The following AKT3 variants were observed in gnomAD, a reference collection of about 807,000 sequenced individuals.
AKT3 encodes the protein RAC-gamma serine/threonine-protein kinase.
A neutral mutation model predicts 65.3 loss-of-function variants in AKT3; 15 were observed. The observed-to-expected ratio is 0.23, with a 90% confidence interval of 0.15 to 0.35. The LOEUF (loss-of-function observed/expected upper bound fraction) is 0.35. Ranked by LOEUF, AKT3 falls within the 10% of genes least tolerant of loss-of-function variation. AKT3 has a pLI of 1.00. For synonymous variants in AKT3, 206 were observed against 183.8 expected, an observed-to-expected ratio of 1.12 and a Z score of -0.98; for missense variants, 243 against 576.5, an observed-to-expected ratio of 0.42 and a Z score of 5.92.
Position 243,504,759 on chromosome 1 carries a change from A to G in AKT3, c.*490T>C, listed in dbSNP as rs1669558466. 1 of 194,340 alleles carries G rather than the reference A, an allele frequency of 5.1e-6. No homozygotes were observed. Among genetic ancestry groups the G allele is most frequent in the East Asian group, 8.3e-5 (1 of 12,102 alleles). The allele number at this position is 194,340 out of a possible 1,614,324, so 12.0% of individuals were successfully genotyped here. A position where few individuals can be genotyped will look rare whatever the true frequency, so the allele number is the denominator to read the frequency against. On this transcript the variant is annotated 3_prime_UTR_variant, in exon 14 of 14. Transcript: ENST00000673466. ...CGCACGGATCTGATGTGCTTTACAT[A>G]TGCACGCCACCACCCTTCCACAATT...
Position 243,760,282 on chromosome 1 carries a change from CTTTTTTT to C in AKT3, c.47-64573_47-64567del, listed in dbSNP as rs58733457. Among the ~76,000 whole-genome samples the C allele has an allele frequency of 4.2e-3, 341 of 80,910 alleles. 2 individuals are homozygous for C. Among genetic ancestry groups the C allele is most frequent in the Non-Finnish European group, 5.3e-3 (254 of 48,234 alleles). 53.1% of individuals were successfully genotyped at this position (80,910 alleles called of 152,430 possible). On this transcript the variant is annotated intron_variant, in intron 2 of 13. Transcript: ENST00000673466. ...TACAGGCATGTACCTCTATATCTGG[CTTTTTTT>C]TTTTTTTTTTTTTTTGTCATGGAGA... is the stretch of plus-strand genomic sequence containing the variant.
At chr1:243,735,551 T>C (rs1034231759) in intron 2 of AKT3, 2 of 152,224 alleles carry the variant, frequency 1.3e-5, no homozygotes, top group African/African-American at 4.8e-5. Flanking sequence ...AATATTTCGT[T>C]GCGTTTCCTC....
chr1:243,712,908 T>C (rs1339707947), intron 2 of AKT3, among the ~76,000 whole-genome samples: 2 of 152,096 alleles, frequency 1.3e-5, no homozygotes, highest in Non-Finnish European at 1.5e-5. Flanking sequence ...TAATGCTTGA[T>C]AAAAATGCAC....
At chr1:243,721,873 C>G (rs1686935601) in intron 2 of AKT3, among the ~76,000 whole-genome samples, 1 of 152,044 alleles carries the variant, frequency 6.6e-6, no homozygotes, top group Non-Finnish European at 1.5e-5. Context: ...GATTACCCTA[C>G]AGATAACTTT....
chr1:243,663,093 G>T (rs927766147), intron 4 of AKT3, among the ~76,000 whole-genome samples: 2 of 152,154 alleles, frequency 1.3e-5, no homozygotes, highest in Admixed American at 1.3e-4. Flanking sequence ...ATACTGTGTT[G>T]GGCCATGGAC....
chr1:243,604,367 T>C (rs1677237962), intron 8 of AKT3, among the ~76,000 whole-genome samples: 1 of 152,212 alleles, frequency 6.6e-6, no homozygotes. Flanking sequence ...TGCCTTCATC[T>C]AAATGACTTG....
At position 243,503,091 on chromosome 1, in the gene AKT3, A is replaced by C. The variant is rs1282348218; in HGVS notation, c.*2158T>G. 1 of 233,526 alleles carries C rather than the reference A, an allele frequency of 4.3e-6. No homozygotes were observed. Among genetic ancestry groups the C allele is most frequent in the Non-Finnish European group, 8.5e-6 (1 of 118,050 alleles). 14.5% of individuals were successfully genotyped at this position (233,526 alleles called of 1,614,324 possible). Reference sequence around the variant, plus strand: ...TTTGTCAAAATGAAACATTCAACATAATTCCAAGTGAAAAAAAAAAGATTA... The same window carrying C: ...TTTGTCAAAATGAAACATTCAACATCATTCCAAGTGAAAAAAAAAAGATTA... On this transcript the variant is annotated 3_prime_UTR_variant, in exon 14 of 14. Coordinates refer to ENST00000673466, the MANE Select transcript of AKT3 (RefSeq NM_005465.7).
At chr1:243,568,518 G>A (rs1674336967) in intron 9 of AKT3, among the ~76,000 whole-genome samples, 1 of 151,844 alleles carries the variant, frequency 6.6e-6, no homozygotes, top group Admixed American at 6.6e-5. Context: ...CAGTTGAAGT[G>A]GACAGGCATT....
intron 2 of AKT3, among the ~76,000 whole-genome samples, chr1:243,765,803 C>T (rs578193269): frequency 5.9e-5 from 9 of 152,224 alleles, no homozygotes; most frequent in African/African-American, 2.2e-4. Flanking sequence ...CCGAAGTAAA[C>T]GTTCAAGTTA....
At chr1:243,690,307 T>C (rs542208039) in intron 3 of AKT3, among the ~76,000 whole-genome samples, 1 of 152,240 alleles carries the variant, frequency 6.6e-6, no homozygotes, top group South Asian at 2.1e-4. Flanking sequence ...TCATACAAAT[T>C]GTCAAAATGT....
intron 2 of AKT3, among the ~76,000 whole-genome samples, chr1:243,830,937 T>G (rs1694468372): frequency 6.6e-6 from 1 of 152,188 alleles, no homozygotes; most frequent in African/African-American, 2.4e-5. Context: ...AGTTCTGTTT[T>G]GCTACACAAA....
intron 3 of AKT3, among the ~76,000 whole-genome samples, chr1:243,691,360 C>T (rs1307719432): frequency 6.6e-6 from 1 of 152,122 alleles, no homozygotes. Flanking sequence ...ATCCAGTAGG[C>T]AATGATGATC....
At chr1:243,599,966 G>C (rs140752777) in intron 8 of AKT3, among the ~76,000 whole-genome samples, 1 of 151,938 alleles carries the variant, frequency 6.6e-6, no homozygotes, top group African/African-American at 2.4e-5. Context: ...TATTAGTATG[G>C]CTAATAAGTA....
rs557962626 is a variant in AKT3, at chr1:243,725,259, A to G, written c.47-29543T>C. ...ATAAGGGCAGTAAGAAAAGTTCTGGAAAGTGTTGACAGTTTCAGAAGGAAG... is the reference window on the plus strand; with the variant it reads ...ATAAGGGCAGTAAGAAAAGTTCTGGGAAGTGTTGACAGTTTCAGAAGGAAG... On this transcript the variant is annotated intron_variant, in intron 2 of 13. Transcript: ENST00000673466. Among the ~76,000 whole-genome samples, 7 of 152,220 alleles carry G rather than the reference A, an allele frequency of 4.6e-5. No homozygotes were observed. The South Asian group carries it at 1.4e-3, about 32-fold the overall frequency.
At chr1:243,844,496 T>G (rs1695425711) in intron 1 of AKT3, among the ~76,000 whole-genome samples, 1 of 152,202 alleles carries the variant, frequency 6.6e-6, no homozygotes, top group Admixed American at 6.5e-5. Context: ...AATTTTTTTT[T>G]GAGATGGGGT....
intron 2 of AKT3, among the ~76,000 whole-genome samples, chr1:243,762,860 AC>A (rs1689572038): frequency 6.6e-6 from 1 of 152,098 alleles, no homozygotes; most frequent in Non-Finnish European, 1.5e-5. Flanking sequence ...TCATTTACTT[AC>A]TTTATGACAT....
rs373664873 is a variant in AKT3, at chr1:243,803,352, A to G, written c.46+39773T>C. On this transcript the variant is annotated intron_variant, in intron 2 of 13. Transcript: ENST00000673466. ...AAGGAGAAATCCAGGTTGGTGGGGCAAGTGGGGGACAGGATGGTTGTTTTG... is the reference window on the plus strand; with the variant it reads ...AAGGAGAAATCCAGGTTGGTGGGGCGAGTGGGGGACAGGATGGTTGTTTTG... Among the ~76,000 whole-genome samples the G allele has an allele frequency of 3.1e-3, 478 of 152,196 alleles. 2 individuals are homozygous for G. The highest frequency in any genetic ancestry group is 0.011 in the African/African-American group (448 of 41,546).
chr1:243,494,963 A>G (rs1667416759), downstream of AKT3, among the ~76,000 whole-genome samples: 1 of 152,234 alleles, frequency 6.6e-6, no homozygotes, highest in Non-Finnish European at 1.5e-5. Context: ...AGGCAGCCAG[A>G]GGCTCCACTC....
chr1:243,567,339 G>A (rs981699769), intron 9 of AKT3, among the ~76,000 whole-genome samples: 24 of 151,868 alleles, frequency 1.6e-4, no homozygotes, highest in African/African-American at 4.6e-4. Context: ...ACAGGGTCTC[G>A]CTCTGTTGCC....
Sources: gnomAD v4.1 joint callset for allele counts (sites outside exome capture counted in the v4.1 genomes callset) on GRCh38, gnomAD v4.1.1 for gene constraint, MANE v1.5 for transcripts, NCBI Gene and HGNC (gene_info 2026-07-23, HGNC 2026-07-21) for gene names.